GRIK2: variants seen among roughly 807,000 people sequenced by gnomAD.
The protein encoded by GRIK2 is glutamate ionotropic receptor kainate type subunit 2.
Under a neutral mutation model 100.3 loss-of-function variants are expected in GRIK2, and 32 were observed. The observed-to-expected ratio is 0.32, with a 90% CI of 0.24 to 0.43. The LOEUF (loss-of-function observed/expected upper bound fraction) is 0.43, where lower values mean the gene tolerates loss of function less well. GRIK2 is among the 20% of genes least tolerant of loss of function. The pLI, the probability that GRIK2 is intolerant of heterozygous loss-of-function variation, is 1.00. For synonymous variants in GRIK2, 417 were observed against 389.4 expected, an observed-to-expected ratio of 1.07 and a Z score of -0.83; for missense variants, 843 against 1,114.9, an observed-to-expected ratio of 0.76 and a Z score of 3.47.
intron 14 of GRIK2, among the ~76,000 whole-genome samples, chr6:101,962,367 G>T (rs1582624299): frequency 1.3e-5 from 2 of 151,742 alleles, no homozygotes; most frequent in South Asian, 2.1e-4. Context: ...TTATTAATTT[G>T]TAATGTTATT....
At chr6:101,975,994 G>A (rs1409937284) in intron 14 of GRIK2, among the ~76,000 whole-genome samples, 2 of 151,946 alleles carry the variant, frequency 1.3e-5, no homozygotes, top group African/African-American at 4.8e-5. Context: ...AAATTGAAGA[G>A]GATGATATAC....
intron 14 of GRIK2, among the ~76,000 whole-genome samples, chr6:101,953,908 A>G (rs1380670050): frequency 6.6e-6 from 1 of 152,110 alleles, no homozygotes; most frequent in Admixed American, 6.5e-5. Flanking sequence ...TAGTTCTACA[A>G]TTCACTTTGA....
At chr6:101,901,357 A>G (rs567671799) in intron 12 of GRIK2, among the ~76,000 whole-genome samples, 3 of 152,002 alleles carry the variant, frequency 2.0e-5, no homozygotes, top group Non-Finnish European at 4.4e-5. Context: ...TAAAAAATAG[A>G]ATCCAGTTTT....
At chr6:101,882,385 C>T (rs993258798) in intron 11 of GRIK2, among the ~76,000 whole-genome samples, 1 of 152,032 alleles carries the variant, frequency 6.6e-6, no homozygotes, top group Non-Finnish European at 1.5e-5. Flanking sequence ...TATCCTCCCC[C>T]AAAACTCTAG....
chr6:102,051,012 T>C (rs2114489730), intron 15 of GRIK2, among the ~76,000 whole-genome samples: 1 of 152,262 alleles, frequency 6.6e-6, no homozygotes, highest in South Asian at 2.1e-4. Context: ...AAATATTTGA[T>C]TAAAGTTTAA....
chr6:101,922,838 A>C (rs1467984418), intron 12 of GRIK2, among the ~76,000 whole-genome samples: 1 of 152,236 alleles, frequency 6.6e-6, no homozygotes, highest in Non-Finnish European at 1.5e-5. Flanking sequence ...TTTAAAGAAC[A>C]CATTCTTGTA....
At chr6:101,678,947 G>A (rs926153519) in intron 5 of GRIK2, among the ~76,000 whole-genome samples, 15 of 152,268 alleles carry the variant, frequency 9.9e-5, no homozygotes, top group African/African-American at 3.6e-4. Context: ...TGGAGCTTGC[G>A]GTTGAGTAGA....
intron 2 of GRIK2, among the ~76,000 whole-genome samples, chr6:101,404,970 T>C (rs1775518861): frequency 6.6e-6 from 1 of 152,182 alleles, no homozygotes; most frequent in Non-Finnish European, 1.5e-5. Flanking sequence ...GCTGACAATT[T>C]TGTAAGGTAA....
chr6:101,463,573 T>C (rs1372034595), intron 2 of GRIK2, among the ~76,000 whole-genome samples: 3 of 152,168 alleles, frequency 2.0e-5, no homozygotes, highest in East Asian at 3.9e-4. Context: ...CCTGGTCTTT[T>C]GGGGAAGTTC....
intron 10 of GRIK2, among the ~76,000 whole-genome samples, chr6:101,819,700 T>C (rs1405720233): frequency 1.3e-5 from 2 of 152,202 alleles, no homozygotes; most frequent in Non-Finnish European, 2.9e-5. Context: ...CATGCCACTA[T>C]GTTCTGGATC....
intron 2 of GRIK2, among the ~76,000 whole-genome samples, chr6:101,567,477 C>G (rs1034460343): frequency 6.6e-6 from 1 of 151,856 alleles, no homozygotes; most frequent in South Asian, 2.1e-4. Context: ...CTGATATTAT[C>G]TTTTATTGCT....
chr6:101,585,922 A>G (rs1778335143), intron 2 of GRIK2, among the ~76,000 whole-genome samples: 1 of 152,144 alleles, frequency 6.6e-6, no homozygotes, highest in Non-Finnish European at 1.5e-5. Context: ...CCTGGAAACA[A>G]AAAATGATTA....
intron 7 of GRIK2, among the ~76,000 whole-genome samples, chr6:101,791,871 C>T (rs1032452227): frequency 2.6e-5 from 4 of 151,580 alleles, no homozygotes; most frequent in Admixed American, 1.3e-4. Flanking sequence ...TCAGGACTTG[C>T]TTTATGAATC....
intron 2 of GRIK2, among the ~76,000 whole-genome samples, chr6:101,490,233 G>C (rs1400664512): frequency 6.8e-6 from 1 of 147,002 alleles, no homozygotes; most frequent in Non-Finnish European, 1.5e-5. Context: ...ATGCTAAACA[G>C]CTTTCTTGGG....
intron 14 of GRIK2, among the ~76,000 whole-genome samples, chr6:101,929,964 T>A (rs930324998): frequency 1.3e-5 from 2 of 152,120 alleles, no homozygotes; most frequent in African/African-American, 4.8e-5. Context: ...TTGCGATGGA[T>A]CAGTTTTTCT....
At chr6:102,024,535 A>C (rs2114379599) in intron 14 of GRIK2, among the ~76,000 whole-genome samples, 1 of 151,312 alleles carries the variant, frequency 6.6e-6, no homozygotes, top group African/African-American at 2.4e-5. Context: ...TCAGGTAGTA[A>C]TATTGAATGG....
At chr6:101,580,972 A>G (rs1454906869) in intron 2 of GRIK2, among the ~76,000 whole-genome samples, 1 of 151,894 alleles carries the variant, frequency 6.6e-6, no homozygotes, top group Non-Finnish European at 1.5e-5. Flanking sequence ...ATTTTTCTCC[A>G]TAACAATAAT....
intron 11 of GRIK2, among the ~76,000 whole-genome samples, chr6:101,865,481 A>C (rs1328794365): frequency 6.6e-6 from 1 of 152,214 alleles, no homozygotes; most frequent in Non-Finnish European, 1.5e-5. Flanking sequence ...ACACTAAATC[A>C]AAAGCAGTTT....
intron 15 of GRIK2, among the ~76,000 whole-genome samples, chr6:102,040,816 T>C (rs1770525876): frequency 6.6e-6 from 1 of 151,666 alleles, no homozygotes; most frequent in African/African-American, 2.4e-5. Context: ...TTTACTGAAG[T>C]GAATGAATAC....
Sources: gnomAD v4.1 joint callset for allele counts (sites outside exome capture counted in the v4.1 genomes callset) on GRCh38, gnomAD v4.1.1 for gene constraint, MANE v1.5 for transcripts, NCBI Gene and HGNC (gene_info 2026-07-23, HGNC 2026-07-21) for gene names.